Variants in RIMS1 observed in about 807,000 individuals in gnomAD.
The protein encoded by RIMS1 is regulating synaptic membrane exocytosis protein 1.
RIMS1 carries 83 observed loss-of-function variants against 214.1 expected under a neutral mutation model. The ratio of observed to expected loss-of-function variants is 0.39; its 90% CI spans 0.32 to 0.47. The LOEUF (loss-of-function observed/expected upper bound fraction) is 0.47. Among genes scored for constraint, RIMS1 ranks in the 20% least tolerant of loss-of-function variants. The pLI is 0.99. For missense variants in RIMS1, 2,050 were observed against 2,161.8 expected (o/e 0.95, Z 1.03); for synonymous variants, 793 against 786.8 (o/e 1.01, Z -0.13).
intron 2 of RIMS1, among the ~76,000 whole-genome samples, chr6:72,069,834 A>G (rs1830179521): frequency 6.6e-6 from 1 of 152,184 alleles, no homozygotes; most frequent in Admixed American, 6.5e-5. Flanking sequence ...CTATCCATGC[A>G]AGCATTCTTG....
At position 72,218,336 on chromosome 6, in the gene RIMS1, A is replaced by G. The variant is rs565182819; in HGVS notation, c.1679-15437A>G. Among the ~76,000 whole-genome samples, 3 of 152,174 alleles carry G rather than the reference A, an allele frequency of 2.0e-5. No individual in the cohort carries two copies. In the South Asian group the frequency reaches 6.2e-4, roughly 32 times the overall value. Reference sequence around the variant, plus strand: ...CCTCACTGCTCACTTGCTCCCCCTCAGGTTCAGTGTGTATTGCTGAGGGCA... The same window carrying G: ...CCTCACTGCTCACTTGCTCCCCCTCGGGTTCAGTGTGTATTGCTGAGGGCA... On this transcript the variant is annotated intron_variant, in intron 6 of 33. Transcript: ENST00000521978.
At chr6:72,234,856 C>A (rs1315469721) in intron 7 of RIMS1, among the ~76,000 whole-genome samples, 1 of 152,002 alleles carries the variant, frequency 6.6e-6, no homozygotes, top group Non-Finnish European at 1.5e-5. Context: ...TTTCACTTAG[C>A]AATATGCATT....
At chr6:72,285,939 T>G in intron 24 of RIMS1, among the ~76,000 whole-genome samples, 1 of 152,130 alleles carries the variant, frequency 6.6e-6, no homozygotes, top group East Asian at 1.9e-4. Flanking sequence ...GGCTCACACC[T>G]GTAATACCAG....
intron 2 of RIMS1, among the ~76,000 whole-genome samples, chr6:72,094,315 G>T (rs1021705520): frequency 6.6e-6 from 1 of 151,954 alleles, no homozygotes; most frequent in Admixed American, 6.6e-5. Flanking sequence ...ATATTAAATG[G>T]TCTATGAGTG....
chr6:72,351,311 T>A (rs556018848), intron 29 of RIMS1, among the ~76,000 whole-genome samples: 1 of 152,308 alleles, frequency 6.6e-6, no homozygotes, highest in East Asian at 1.9e-4. Context: ...AAATGGCTAC[T>A]GTTTTTATTT....
chr6:72,313,712 C>G, intron 28 of RIMS1, 40 bp downstream of exon 28: 3 of 1,544,562 alleles, frequency 1.9e-6, no homozygotes, highest in African/African-American at 1.4e-5. Flanking sequence ...GGATCTTTAT[C>G]TGTGATATAA....
chr6:72,347,258 T>C (rs970973006), intron 29 of RIMS1, among the ~76,000 whole-genome samples: 1 of 151,884 alleles, frequency 6.6e-6, no homozygotes, highest in East Asian at 1.9e-4. Context: ...ATTTTCCCAG[T>C]TGGGGGCTCA....
intron 1 of RIMS1, among the ~76,000 whole-genome samples, chr6:71,940,777 C>G (rs530692879): frequency 5.7e-4 from 86 of 152,180 alleles, no homozygotes; most frequent in Middle Eastern, 3.4e-3. Flanking sequence ...TTAGGTTTCC[C>G]CATTCCACAG....
chr6:72,061,535 G>T, intron 2 of RIMS1, among the ~76,000 whole-genome samples: 1 of 152,304 alleles, frequency 6.6e-6, no homozygotes, highest in East Asian at 1.9e-4. Context: ...TGTGCATTAC[G>T]CGCTTTCTGA....
chr6:72,265,075 C>T (rs768334387), intron 20 of RIMS1, 23 bp downstream of exon 20: 15 of 1,385,698 alleles, frequency 1.1e-5, no homozygotes, highest in Non-Finnish European at 1.5e-5. Context: ...ACAGTGAGTC[C>T]CACCCAGTTA....
intron 29 of RIMS1, among the ~76,000 whole-genome samples, chr6:72,344,202 T>A (rs2097187592): frequency 6.6e-6 from 1 of 151,810 alleles, no homozygotes; most frequent in African/African-American, 2.4e-5. Flanking sequence ...TTATTTACCT[T>A]GGGAAAATGG....
At chr6:72,369,359 G>A (rs568387442) in intron 29 of RIMS1, among the ~76,000 whole-genome samples, 20 of 152,108 alleles carry the variant, frequency 1.3e-4, no homozygotes, top group East Asian at 3.9e-4. Context: ...ATAGGAGGCC[G>A]GTTGGGTCTG....
intron 6 of RIMS1, among the ~76,000 whole-genome samples, chr6:72,221,689 C>G (rs1276115926): frequency 6.6e-6 from 1 of 151,908 alleles, no homozygotes; most frequent in Non-Finnish European, 1.5e-5. Flanking sequence ...AAATGGAGAT[C>G]AGACTTTAGT....
Position 72,287,756 on chromosome 6 carries a change from G to A in RIMS1, c.3555-2923G>A, listed in dbSNP as rs568339878. On this transcript the variant is annotated intron_variant, in intron 24 of 33. Coordinates refer to ENST00000521978, the MANE Select transcript of RIMS1 (RefSeq NM_014989.7). ...ATTACAGGTGCGTGCTATACGCCCG[G>A]CTAATTTTTGTATTTTTAGTAGAGA... is the stretch of plus-strand genomic sequence containing the variant. Among the ~76,000 whole-genome samples, 65 of 152,158 alleles carry A rather than the reference G, an allele frequency of 4.3e-4. 1 individual carries two copies. Among genetic ancestry groups the A allele is most frequent in the African/African-American group, 1.6e-3 (65 of 41,524 alleles).
chr6:71,894,270 C>A (rs1395540186), intron 1 of RIMS1, among the ~76,000 whole-genome samples: 1 of 152,096 alleles, frequency 6.6e-6, no homozygotes, highest in Non-Finnish European at 1.5e-5. Flanking sequence ...CATGGTAAAA[C>A]CCCGTCTCTA....
intron 6 of RIMS1, among the ~76,000 whole-genome samples, chr6:72,215,596 A>G (rs2055566967): frequency 6.6e-6 from 1 of 152,240 alleles, no homozygotes; most frequent in African/African-American, 2.4e-5. Context: ...AATTAACTAA[A>G]TAAAATTAAT....
rs566150431 is a variant in RIMS1, at chr6:72,017,784, G to A, written c.245+48721G>A. Among the ~76,000 whole-genome samples the A allele has an allele frequency of 9.4e-4, 143 of 152,286 alleles. 1 individual carries two copies. The highest frequency in any genetic ancestry group is 3.4e-3 in the African/African-American group (142 of 41,572). ...CTGCAACATATTGCAATAATATGTA[G>A]GTACCCAAGAAAGGGCTTAACTAAG... is the stretch of plus-strand genomic sequence containing the variant. On this transcript the variant is annotated intron_variant, in intron 2 of 33. Transcript: ENST00000521978.
chr6:72,372,219 T>A (rs942565178), intron 29 of RIMS1, among the ~76,000 whole-genome samples: 3 of 152,182 alleles, frequency 2.0e-5, no homozygotes, highest in African/African-American at 7.2e-5. Flanking sequence ...CAATATTATA[T>A]TGTGTGTGGT....
intron 4 of RIMS1, among the ~76,000 whole-genome samples, chr6:72,101,980 T>C (rs748085609): frequency 2.6e-5 from 4 of 151,986 alleles, no homozygotes; most frequent in African/African-American, 7.2e-5. Flanking sequence ...CACACTCTCA[T>C]TGGCAAAATT....
Sources: allele counts gnomAD v4.1 joint callset (sites outside exome capture counted in the v4.1 genomes callset), GRCh38; gene constraint gnomAD v4.1.1; transcripts MANE v1.5; gene names NCBI Gene and HGNC (gene_info 2026-07-23, HGNC 2026-07-21).